The following NTN1 variants were observed in gnomAD, a reference collection of about 807,000 sequenced individuals.
NTN1 encodes netrin-1.
A neutral mutation model predicts 54.2 loss-of-function variants in NTN1; 11 were observed. The ratio of observed to expected loss-of-function variants is 0.20; its 90% CI spans 0.13 to 0.34. The LOEUF (loss-of-function observed/expected upper bound fraction) is 0.34. Among genes scored for constraint, NTN1 ranks in the 10% least tolerant of loss-of-function variants. The probability of loss-of-function intolerance (pLI) is 1.00; values close to 1 mark genes in which losing one functional copy is unlikely to be tolerated. For synonymous variants in NTN1, 371 were observed against 382.0 expected, an observed-to-expected ratio of 0.97 and a Z score of 0.33; for missense variants, 740 against 893.1, an observed-to-expected ratio of 0.83 and a Z score of 2.18.
At chr17:9,046,501 A>C (rs962457145) in intron 2 of NTN1, among the ~76,000 whole-genome samples, 2 of 152,174 alleles carry the variant, frequency 1.3e-5, no homozygotes, top group Admixed American at 1.3e-4. Context: ...CCCCCCAAAT[A>C]AGAGTCCAGG....
At chr17:9,181,674 A>G (rs2092419325) in intron 4 of NTN1, among the ~76,000 whole-genome samples, 2 of 152,336 alleles carry the variant, frequency 1.3e-5, no homozygotes, top group East Asian at 1.9e-4. Context: ...TGAGTAGCCC[A>G]TGTCCATCCA....
At position 9,162,864 on chromosome 17, in the gene NTN1, A is replaced by G. The variant is rs751434453; in HGVS notation, c.1070A>G (p.Tyr357Cys). The G allele has an allele frequency of 6.2e-7, 1 of 1,614,084 alleles. No individual in the cohort carries two copies. ...ARRCRFNMEL[Y>C]KLSGRKSGGV... ...CGCTGCCGCTTCAACATGGAGCTCT[A>G]CAAGCTTTCGGGGCGCAAGAGCGGA... The change falls in exon 3 of 7, where the codon TAC (tyrosine) becomes TGC (cysteine). Residue 357 changes from tyrosine to cysteine, a missense_variant. Transcript: ENST00000173229.
At chr17:9,093,576 T>C (rs1206612233) in intron 2 of NTN1, among the ~76,000 whole-genome samples, 1 of 152,212 alleles carries the variant, frequency 6.6e-6, no homozygotes, top group Non-Finnish European at 1.5e-5. Context: ...TTGCCTAGGC[T>C]GATGAACTCC....
At chr17:9,015,214 C>T in the NTN1 span, among the ~76,000 whole-genome samples, 1 of 152,104 alleles carries the variant, frequency 6.6e-6, no homozygotes, top group Admixed American at 6.6e-5. Context: ...AGTTCAAGAC[C>T]AACCTGGCCA....
At chr17:9,210,458 A>C (rs1444284535) in intron 5 of NTN1, among the ~76,000 whole-genome samples, 1 of 150,614 alleles carries the variant, frequency 6.6e-6, no homozygotes, top group Non-Finnish European at 1.5e-5. Context: ...ACACACACAC[A>C]CACACACACT....
intron 2 of NTN1, among the ~76,000 whole-genome samples, chr17:9,073,668 G>A (rs1000915352): frequency 6.6e-5 from 10 of 152,192 alleles, no homozygotes; most frequent in African/African-American, 2.4e-4. Context: ...TCCCTCCAGG[G>A]CAAACATTTG....
At chr17:9,037,329 A>T (rs931753516) in intron 2 of NTN1, among the ~76,000 whole-genome samples, 2 of 151,982 alleles carry the variant, frequency 1.3e-5, no homozygotes, top group Non-Finnish European at 2.9e-5. Context: ...CTTCTTGGGG[A>T]TACTGATCCT....
intron 2 of NTN1, among the ~76,000 whole-genome samples, chr17:9,065,098 G>A (rs1468046234): frequency 6.6e-6 from 1 of 151,972 alleles, no homozygotes; most frequent in Non-Finnish European, 1.5e-5. Flanking sequence ...CACCACAACC[G>A]GCTAATTTTT....
At chr17:9,123,207 A>C in intron 2 of NTN1, among the ~76,000 whole-genome samples, 1 of 151,298 alleles carries the variant, frequency 6.6e-6, no homozygotes, top group South Asian at 2.1e-4. Context: ...TAATTACTCT[A>C]AAAAAACCTG....
At chr17:9,226,048 G>A (rs1309368685) in intron 6 of NTN1, among the ~76,000 whole-genome samples, 1 of 152,058 alleles carries the variant, frequency 6.6e-6, no homozygotes, top group Non-Finnish European at 1.5e-5. Context: ...GAAGGGGCCT[G>A]TGGGCTCGGG....
intron 3 of NTN1, among the ~76,000 whole-genome samples, chr17:9,169,157 C>T (rs1259068644): frequency 6.6e-6 from 1 of 152,230 alleles, no homozygotes; most frequent in African/African-American, 2.4e-5. Context: ...AGTCTGGTGA[C>T]CTCTCTAGAC....
chr17:9,190,201 A>G (rs1156362014), intron 5 of NTN1, among the ~76,000 whole-genome samples: 1 of 152,222 alleles, frequency 6.6e-6, no homozygotes, highest in African/African-American at 2.4e-5. Flanking sequence ...TGTAGCAATA[A>G]AGTACAGCAC....
In NTN1 at chr17:9,188,059, G is replaced by T. The variant is rs7220859; in HGVS notation, c.1411+5090G>T. On this transcript the variant is annotated intron_variant, in intron 5 of 6. Transcript: ENST00000173229. ...GTTTTCCTTTTTGGGTGATGAAAAC[G>T]TCCTGGAACTTGATAGTGGTGATGA... Among the ~76,000 whole-genome samples the T allele has an allele frequency of 2.7e-4, 41 of 152,098 alleles. 1 individual carries two copies. The highest frequency in any genetic ancestry group is 9.9e-4 in the African/African-American group (41 of 41,476).
Position 9,239,541 on chromosome 17 carries a change from C to T in NTN1, c.1487-99C>T. 2 of 1,238,214 alleles carry T rather than the reference C, an allele frequency of 1.6e-6. No homozygotes were observed. The highest frequency in any genetic ancestry group is 2.7e-4 in the Middle Eastern group (1 of 3,684). 76.7% of individuals were successfully genotyped at this position (1,238,214 alleles called of 1,614,324 possible). Reference sequence around the variant, plus strand: ...TATGGGCCACTCTGTGCAGTCACTTCCTGGGGCTGGGTCTCCTTTCCCTTC... The same window carrying T: ...TATGGGCCACTCTGTGCAGTCACTTTCTGGGGCTGGGTCTCCTTTCCCTTC... On this transcript the variant is annotated intron_variant, in intron 6 of 6. Coordinates refer to ENST00000173229, the MANE Select transcript of NTN1 (RefSeq NM_004822.3). The surrounding 1 kb of genome is among the most constrained non-coding windows in gnomAD (Gnocchi z 5.2).
intron 2 of NTN1, among the ~76,000 whole-genome samples, chr17:9,103,630 T>G (rs1396937836): frequency 6.6e-6 from 1 of 152,098 alleles, no homozygotes; most frequent in Non-Finnish European, 1.5e-5. Context: ...CTTTATAAAT[T>G]ACCCAGTTTC....
At chr17:9,112,896 A>AAG (rs1484808948) in intron 2 of NTN1, among the ~76,000 whole-genome samples, 1 of 151,974 alleles carries the variant, frequency 6.6e-6, no homozygotes, top group Non-Finnish European at 1.5e-5. Context: ...CCCCAAGCTC[A>AAG]AGAAGACTGT....
chr17:9,070,653 G>T (rs1239343166), intron 2 of NTN1, among the ~76,000 whole-genome samples: 1 of 152,098 alleles, frequency 6.6e-6, no homozygotes, highest in Non-Finnish European at 1.5e-5. Flanking sequence ...GTGCAATGTT[G>T]CGATCTCTGC....
chr17:9,188,051 A>G (rs1381259689), intron 5 of NTN1, among the ~76,000 whole-genome samples: 5 of 152,182 alleles, frequency 3.3e-5, no homozygotes, highest in African/African-American at 1.2e-4. Flanking sequence ...TTTTTGGGTG[A>G]TGAAAACGTC....
At chr17:9,139,032 C>T (rs1243212228) in intron 2 of NTN1, among the ~76,000 whole-genome samples, 1 of 152,118 alleles carries the variant, frequency 6.6e-6, no homozygotes, top group African/African-American at 2.4e-5. Context: ...TGGGGCAAGT[C>T]TCTGGACACC....
Sources: allele counts gnomAD v4.1 joint callset (sites outside exome capture counted in the v4.1 genomes callset), GRCh38; gene constraint gnomAD v4.1.1; non-coding constraint Gnocchi (gnomAD v3.1); transcripts MANE v1.5; gene names NCBI Gene and HGNC (gene_info 2026-07-23, HGNC 2026-07-21).